The following TANC2 variants were observed in gnomAD, a reference collection of about 807,000 sequenced individuals.
TANC2 encodes tetratricopeptide repeat, ankyrin repeat and coiled-coil containing 2.
A neutral mutation model predicts 210.5 loss-of-function variants in TANC2; 26 were observed. The observed-to-expected ratio is 0.12, with a 90% CI of 0.09 to 0.17. TANC2 has a LOEUF of 0.17. TANC2 is among the 10% of genes least tolerant of loss of function. TANC2 has a pLI of 1.00. For synonymous variants in TANC2, 931 were observed against 967.1 expected (o/e 0.96, Z 0.69); for missense variants, 2,129 against 2,608.9 (o/e 0.82, Z 4.01).
intron 4 of TANC2, among the ~76,000 whole-genome samples, chr17:63,104,565 G>A (rs1353772258): frequency 2.0e-5 from 3 of 152,138 alleles, no homozygotes; most frequent in Admixed American, 6.5e-5. Flanking sequence ...ATTTGAAAAT[G>A]TGTATGTATG....
In TANC2 at chr17:63,017,695, G is replaced by A. The variant is rs118018320; in HGVS notation, c.67+8069G>A. Among the ~76,000 whole-genome samples, 15 of 152,310 alleles carry A rather than the reference G, an allele frequency of 9.8e-5. No individual in the cohort carries two copies. In the South Asian group the frequency reaches 1.7e-3, roughly 17 times the overall value. On this transcript the variant is annotated intron_variant, in intron 2 of 27. Transcript: ENST00000689528. Reference sequence around the variant, plus strand: ...TCTGTTCAGACTAGACATGGAACGAGTGTGATACAATTTTTTTGTTAACAA... The same window carrying A: ...TCTGTTCAGACTAGACATGGAACGAATGTGATACAATTTTTTTGTTAACAA...
intron 4 of TANC2, among the ~76,000 whole-genome samples, chr17:63,104,948 A>G (rs888784091): frequency 6.6e-6 from 1 of 151,718 alleles, no homozygotes; most frequent in Admixed American, 6.6e-5. Context: ...TAATAAGAGA[A>G]TTAGATTAAT....
chr17:63,009,760 T>C, intron 2 of TANC2, 134 bp downstream of exon 2: 1 of 703,988 alleles, frequency 1.4e-6, no homozygotes, highest in Non-Finnish European at 2.4e-6. Context: ...TTCTTTGGGC[T>C]TTCATACGCT....
At chr17:62,967,147 G>T (rs1173535126) in intron 1 of TANC2, 1 of 152,252 alleles carries the variant, frequency 6.6e-6, no homozygotes, top group Non-Finnish European at 1.5e-5. Context: ...GGATGGGCTG[G>T]CCTCTGTGGC....
At position 63,269,321 on chromosome 17, in the gene TANC2, A is replaced by G. The variant is rs1409850731; in HGVS notation, c.1159+1448A>G. Among the ~76,000 whole-genome samples the G allele has an allele frequency of 3.9e-5, 6 of 152,260 alleles. No homozygotes were observed. In the East Asian group the frequency reaches 1.2e-3, roughly 29 times the overall value. On this transcript the variant is annotated intron_variant, in intron 9 of 27. Transcript: ENST00000689528. ...ATATGCAACTGTGTGTTTACAGTCC[A>G]GAAAATGGAAATATATCAAGCACTA...
chr17:63,064,379 A>C (rs539315875), intron 2 of TANC2, among the ~76,000 whole-genome samples: 1 of 152,302 alleles, frequency 6.6e-6, no homozygotes, highest in East Asian at 1.9e-4. Flanking sequence ...GGATCACTTG[A>C]GCCCAGGAGC....
intron 5 of TANC2, among the ~76,000 whole-genome samples, chr17:63,189,655 A>C (rs1315959736): frequency 6.6e-6 from 1 of 152,182 alleles, no homozygotes; most frequent in Non-Finnish European, 1.5e-5. Context: ...GTCTGGGTTC[A>C]AGTCCCTTGA....
At chr17:63,396,209 G>C (rs2048152072) in intron 18 of TANC2, 1 of 350,712 alleles carries the variant, frequency 2.9e-6, no homozygotes, top group South Asian at 3.6e-5. Flanking sequence ...TGGCACCAAG[G>C]CTCAAAGAGA....
At chr17:63,052,265 A>T (rs758212691) in intron 2 of TANC2, among the ~76,000 whole-genome samples, 39 of 152,190 alleles carry the variant, frequency 2.6e-4, no homozygotes, top group Non-Finnish European at 2.5e-4. Flanking sequence ...TAACAATTTC[A>T]CAGATAAGGA....
intron 4 of TANC2, among the ~76,000 whole-genome samples, chr17:63,100,378 C>G (rs1021703663): frequency 3.3e-5 from 5 of 151,816 alleles, no homozygotes; most frequent in African/African-American, 9.7e-5. Flanking sequence ...TTGGCATTTT[C>G]AAAAAATAAA....
exon 28 of TANC2, chr17:63,426,738 G>T (rs907853164): frequency 2.0e-5 from 3 of 152,256 alleles, no homozygotes; most frequent in Non-Finnish European, 2.9e-5. Context: ...GACGCGTAGA[G>T]ATCAGGCCAG....
chr17:63,153,209 T>C (rs2039716580), intron 5 of TANC2: 1 of 152,228 alleles, frequency 6.6e-6, no homozygotes, highest in Non-Finnish European at 1.5e-5. Context: ...ACCAAAAAGA[T>C]TTTGCATTTT....
At chr17:63,104,976 G>A (rs1453490149) in intron 4 of TANC2, among the ~76,000 whole-genome samples, 2 of 151,640 alleles carry the variant, frequency 1.3e-5, no homozygotes, top group African/African-American at 4.9e-5. Flanking sequence ...TGTAAAGCAC[G>A]TAAGACAGCG....
intron 9 of TANC2, among the ~76,000 whole-genome samples, chr17:63,297,100 A>G (rs1047186144): frequency 6.6e-6 from 1 of 152,206 alleles, no homozygotes; most frequent in East Asian, 1.9e-4. Context: ...CTTCTTCTAT[A>G]TACTGTATTA....
intron 12 of TANC2, among the ~76,000 whole-genome samples, chr17:63,346,467 A>G (rs1014166968): frequency 2.0e-5 from 3 of 152,214 alleles, no homozygotes; most frequent in African/African-American, 7.2e-5. Context: ...AAAAGAAGAT[A>G]CGTCAACAGC....
intron 17 of TANC2, among the ~76,000 whole-genome samples, chr17:63,395,242 G>C (rs1303147368): frequency 6.6e-6 from 1 of 152,256 alleles, no homozygotes; most frequent in Non-Finnish European, 1.5e-5. Flanking sequence ...TGCTGGAAGA[G>C]AGAAGCAGAC....
chr17:63,327,764 T>C (rs1476930264), intron 11 of TANC2, among the ~76,000 whole-genome samples: 2 of 152,112 alleles, frequency 1.3e-5, no homozygotes, highest in Non-Finnish European at 2.9e-5. Flanking sequence ...AAAAAAAGAA[T>C]GAAATCATTC....
intron 1 of TANC2, among the ~76,000 whole-genome samples, chr17:62,991,639 CAAA>C (rs576514397): frequency 3.2e-5 from 2 of 62,644 alleles, no homozygotes; most frequent in Non-Finnish European, 6.9e-5. Context: ...GACTCCGTCT[CAAA>C]AAAAAAAAAA....
chr17:63,056,679 A>C (rs1425135285), intron 2 of TANC2, among the ~76,000 whole-genome samples: 1 of 152,186 alleles, frequency 6.6e-6, no homozygotes, highest in African/African-American at 2.4e-5. Context: ...ACCCTGTCTC[A>C]TAAATAAAAA....
Sources: gnomAD v4.1 joint callset for allele counts (sites outside exome capture counted in the v4.1 genomes callset) on GRCh38, gnomAD v4.1.1 for gene constraint, MANE v1.5 for transcripts, NCBI Gene and HGNC (gene_info 2026-07-23, HGNC 2026-07-21) for gene names.